TAFA4: variants seen among roughly 807,000 people sequenced by gnomAD.
The protein encoded by TAFA4 is TAFA chemokine like family member 4.
Under a neutral mutation model 21.1 loss-of-function variants are expected in TAFA4, and 20 were observed. That is an observed-to-expected ratio of 0.95 (90% confidence interval 0.67 to 1.38). The LOEUF is 1.38. Among genes scored for constraint, TAFA4 ranks in the 40% most tolerant of loss-of-function variants. The probability of loss-of-function intolerance (pLI) is 0.00; values close to 1 mark genes in which losing one functional copy is unlikely to be tolerated. For missense variants in TAFA4, 211 were observed against 180.9 expected, an observed-to-expected ratio of 1.17 and a Z score of -0.95; for synonymous variants, 71 against 67.4, an observed-to-expected ratio of 1.05 and a Z score of -0.26.
At chr3:68,886,235 G>A (rs1360634482) in intron 1 of TAFA4, among the ~76,000 whole-genome samples, 1 of 152,164 alleles carries the variant, frequency 6.6e-6, no homozygotes, top group Non-Finnish European at 1.5e-5. Context: ...AGTTTGATTA[G>A]AGAACACTTT....
intron 3 of TAFA4, among the ~76,000 whole-genome samples, chr3:68,785,366 G>A (rs1216474193): frequency 2.0e-5 from 3 of 152,230 alleles, no homozygotes; most frequent in African/African-American, 7.2e-5. Context: ...GCAGGGGGCT[G>A]CGCTCTCGTC....
At chr3:68,839,729 A>G (rs1398997509) in intron 3 of TAFA4, among the ~76,000 whole-genome samples, 2 of 152,148 alleles carry the variant, frequency 1.3e-5, no homozygotes, top group African/African-American at 4.8e-5. Context: ...AGATGAGTTG[A>G]TCCTTCACTA....
At chr3:68,861,686 C>G (rs1322317997) in intron 3 of TAFA4, among the ~76,000 whole-genome samples, 2 of 152,010 alleles carry the variant, frequency 1.3e-5, no homozygotes, top group African/African-American at 2.4e-5. Context: ...CAGCCCAGCT[C>G]AACACCCTCA....
chr3:68,736,233 G>A (rs977398224), intron 5 of TAFA4, among the ~76,000 whole-genome samples: 9 of 151,618 alleles, frequency 5.9e-5, no homozygotes, highest in South Asian at 2.1e-4. Context: ...TTAGCTCACC[G>A]AATGCAGCAA....
At chr3:68,742,070 C>G (rs1702366856) in intron 4 of TAFA4, among the ~76,000 whole-genome samples, 1 of 152,098 alleles carries the variant, frequency 6.6e-6, no homozygotes, top group African/African-American at 2.4e-5. Context: ...AATGCTTAAT[C>G]AATAAATGTG....
At chr3:68,740,768 T>A (rs1575590626) in intron 4 of TAFA4, among the ~76,000 whole-genome samples, 1 of 152,192 alleles carries the variant, frequency 6.6e-6, no homozygotes, top group East Asian at 1.9e-4. Flanking sequence ...TTCTAGGAGT[T>A]TCATAGTTTC....
At chr3:68,854,649 G>C (rs1021607776) in intron 3 of TAFA4, among the ~76,000 whole-genome samples, 1 of 150,562 alleles carries the variant, frequency 6.6e-6, no homozygotes, top group Non-Finnish European at 1.5e-5. Context: ...ATTTGACTTG[G>C]TTTTGTTTTT....
intron 5 of TAFA4, among the ~76,000 whole-genome samples, chr3:68,738,472 G>A (rs1702284661): frequency 1.3e-5 from 2 of 152,300 alleles, no homozygotes; most frequent in African/African-American, 4.8e-5. Flanking sequence ...ATATGAGATG[G>A]CAGATTGGAC....
intron 3 of TAFA4, among the ~76,000 whole-genome samples, chr3:68,785,030 C>T (rs1470838481): frequency 6.6e-6 from 1 of 151,456 alleles, no homozygotes; most frequent in Non-Finnish European, 1.5e-5. Flanking sequence ...GGTGTATTTA[C>T]AGTCCCTGAC....
chr3:68,803,849 G>C (rs1465973851), intron 3 of TAFA4, among the ~76,000 whole-genome samples: 1 of 116,012 alleles, frequency 8.6e-6, no homozygotes, highest in Non-Finnish European at 1.6e-5. Flanking sequence ...CTGTCACCTA[G>C]GCTGGAGGGC....
chr3:68,871,430 A>G (rs1207333268), intron 3 of TAFA4, among the ~76,000 whole-genome samples: 2 of 152,152 alleles, frequency 1.3e-5, no homozygotes, highest in African/African-American at 4.8e-5. Flanking sequence ...AAATCAAATC[A>G]AAATGGAGTA....
At chr3:68,883,485 T>C (rs1030038405) in intron 2 of TAFA4, among the ~76,000 whole-genome samples, 8 of 152,192 alleles carry the variant, frequency 5.3e-5, no homozygotes, top group African/African-American at 9.7e-5. Flanking sequence ...CCTTCATCTA[T>C]GCCTTACAGG....
At chr3:68,827,929 T>C (rs1448291435) in intron 3 of TAFA4, among the ~76,000 whole-genome samples, 1 of 152,228 alleles carries the variant, frequency 6.6e-6, no homozygotes, top group Non-Finnish European at 1.5e-5. Flanking sequence ...CCATTGCTTT[T>C]GGTGTTTTAG....
At position 68,866,653 on chromosome 3, in the gene TAFA4, A is replaced by T. The variant is rs1210591765; in HGVS notation, c.130+14077T>A. Among the ~76,000 whole-genome samples, 5 of 49,388 alleles carry T rather than the reference A, an allele frequency of 1.0e-4. No homozygotes were observed. The East Asian group carries it at 3.2e-3, about 31-fold the overall frequency. 32.4% of individuals were successfully genotyped at this position (49,388 alleles called of 152,430 possible). A position where few individuals can be genotyped will look rare whatever the true frequency, so the allele number is the denominator to read the frequency against. The stretch of plus-strand genomic sequence containing the variant: ...TCAAGGATTCAAAATAGCAGTTCTA[A>T]AAAAAAAAAAAAAAAAAAAAAAAAA... On this transcript the variant is annotated intron_variant, in intron 3 of 5. Transcript: ENST00000295569.
At chr3:68,834,641 T>C (rs1403522033) in intron 3 of TAFA4, among the ~76,000 whole-genome samples, 1 of 152,074 alleles carries the variant, frequency 6.6e-6, no homozygotes, top group Non-Finnish European at 1.5e-5. Context: ...CCCACACCTA[T>C]TCCTCCCATA....
At chr3:68,847,878 T>G (rs1250502182) in intron 3 of TAFA4, among the ~76,000 whole-genome samples, 1 of 152,206 alleles carries the variant, frequency 6.6e-6, no homozygotes, top group Non-Finnish European at 1.5e-5. Context: ...GAACATGCCC[T>G]CCAAAGGTTA....
At chr3:68,767,115 T>C (rs1702868647) in intron 3 of TAFA4, among the ~76,000 whole-genome samples, 1 of 152,174 alleles carries the variant, frequency 6.6e-6, no homozygotes, top group Admixed American at 6.5e-5. Flanking sequence ...GTTACATGGA[T>C]GAATTGTATA....
At chr3:68,803,518 G>C (rs987578130) in intron 3 of TAFA4, among the ~76,000 whole-genome samples, 1 of 152,046 alleles carries the variant, frequency 6.6e-6, no homozygotes, top group East Asian at 1.9e-4. Context: ...GGCCTGTTTT[G>C]CCATGTGTAA....
intron 3 of TAFA4, among the ~76,000 whole-genome samples, chr3:68,822,931 G>T (rs538472006): frequency 1.0e-3 from 156 of 152,108 alleles, no homozygotes; most frequent in Non-Finnish European, 1.4e-3. Context: ...AAACTATGAA[G>T]CGCAAATAAA....
Sources: allele counts gnomAD v4.1 joint callset (sites outside exome capture counted in the v4.1 genomes callset), GRCh38; gene constraint gnomAD v4.1.1; transcripts MANE v1.5; gene names NCBI Gene and HGNC (gene_info 2026-07-23, HGNC 2026-07-21).